DIDO1: variants seen among roughly 807,000 people sequenced by gnomAD.
DIDO1 encodes the protein death inducer-obliterator 1.
In DIDO1, 16 loss-of-function variants were observed where a neutral mutation model predicts 99.4. The observed-to-expected ratio is 0.16, with a 90% CI of 0.11 to 0.24. The LOEUF (loss-of-function observed/expected upper bound fraction) is 0.24. Among genes scored for constraint, DIDO1 ranks in the 10% least tolerant of loss-of-function variants. DIDO1 has a pLI of 1.00. For synonymous variants in DIDO1, 1,366 were observed against 1,239.1 expected, an observed-to-expected ratio of 1.10 and a Z score of -2.15; for missense variants, 2,996 against 3,014.0, an observed-to-expected ratio of 0.99 and a Z score of 0.14.
intron 1 of DIDO1, among the ~76,000 whole-genome samples, chr20:62,921,538 A>C (rs1005438752): frequency 3.3e-5 from 5 of 152,176 alleles, no homozygotes; most frequent in East Asian, 3.9e-4. Context: ...AAGTGAGATG[A>C]TGGCCACCCT....
chr20:62,932,240 C>G (rs2065338902), intron 1 of DIDO1, among the ~76,000 whole-genome samples: 1 of 152,200 alleles, frequency 6.6e-6, no homozygotes, highest in African/African-American at 2.4e-5. Context: ...CGCCTGTAAT[C>G]CTGACACTTT....
At chr20:62,915,362 G>A (rs1168179132) in intron 1 of DIDO1, among the ~76,000 whole-genome samples, 1 of 152,152 alleles carries the variant, frequency 6.6e-6, no homozygotes, top group Non-Finnish European at 1.5e-5. Flanking sequence ...CATCGTCATA[G>A]TCACCATCTC....
Position 62,894,549 on chromosome 20 carries a change from C to A in DIDO1, c.2437-1G>T, listed in dbSNP as rs1307804923. The A allele has an allele frequency of 3.1e-6, 5 of 1,602,498 alleles. No individual in the cohort carries two copies. Among genetic ancestry groups the A allele is most frequent in the Admixed American group, 1.7e-5 (1 of 57,726 alleles). On this transcript the variant is annotated splice_acceptor_variant, in intron 10 of 15. Coordinates refer to ENST00000395343, the MANE Select transcript of DIDO1 (RefSeq NM_001193369.2). LOFTEE classifies it high-confidence loss of function. This position sits in a 1 kb window ranked among gnomAD's most constrained non-coding sequence, Gnocchi z 4.4. The stretch of plus-strand genomic sequence containing the variant: ...CAGCACGTGCTGACTCTTGCTGTTC[C>A]TAAAAAAGAAAAAGAAAAAAAAGTG...
At chr20:62,900,459 G>A (rs1293911372) in intron 6 of DIDO1, among the ~76,000 whole-genome samples, 2 of 152,182 alleles carry the variant, frequency 1.3e-5, no homozygotes, top group Non-Finnish European at 2.9e-5. Context: ...CAGAGACGGG[G>A]AGGAGAAAAT....
At chr20:62,905,814 G>A in intron 6 of DIDO1, 73 bp downstream of exon 6, 1 of 1,613,870 alleles carries the variant, frequency 6.2e-7, no homozygotes, top group Non-Finnish European at 8.5e-7. Flanking sequence ...TCCCAGTCCT[G>A]GACAGGCCCA....
intron 6 of DIDO1, among the ~76,000 whole-genome samples, chr20:62,902,148 G>A (rs1258022207): frequency 2.0e-5 from 3 of 152,212 alleles, no homozygotes; most frequent in Admixed American, 1.3e-4. Flanking sequence ...GGGGCACCAC[G>A]GGACGGTGCT....
chr20:62,908,903 C>T (rs2064864894), intron 4 of DIDO1, among the ~76,000 whole-genome samples: 1 of 152,206 alleles, frequency 6.6e-6, no homozygotes, highest in Non-Finnish European at 1.5e-5. Context: ...AGACATAAAG[C>T]CAATGACTTT....
chr20:62,921,645 T>G (rs2147560146), intron 1 of DIDO1, among the ~76,000 whole-genome samples: 1 of 151,376 alleles, frequency 6.6e-6, no homozygotes, highest in South Asian at 2.1e-4. Flanking sequence ...TTTTTTTTTT[T>G]TTTTTGGAGA....
chr20:62,937,306 G>C (rs192848811), intron 1 of DIDO1, among the ~76,000 whole-genome samples: 1 of 152,262 alleles, frequency 6.6e-6, no homozygotes, highest in Non-Finnish European at 1.5e-5. Flanking sequence ...CTCCTGAGCG[G>C]ACAGGCAATA....
In DIDO1 at chr20:62,882,067, A is replaced by G. The variant is rs1600903531; in HGVS notation, c.3889T>C (p.Ser1297Pro). The change falls in exon 16 of 16, where the codon TCC becomes CCC. Residue 1297 changes from serine to proline, a missense_variant. By Grantham distance (74) the Ser-to-Pro change is moderately conservative. This residue lies in a region of DIDO1 where 1,562 missense variants were observed against 1,412.6 expected (regional missense o/e 1.11). Transcript: ENST00000395343. Reference sequence around the variant, plus strand: ...GAAGCGGTGGAGGAAGCTGCCGTGGAGGCTGCCGCTGCTGTTGTGGCTGCT... The same window carrying G: ...GAAGCGGTGGAGGAAGCTGCCGTGGGGGCTGCCGCTGCTGTTGTGGCTGCT... ...ATAATTAAAASTAASSTASSA... is the reference protein window; with the variant it reads ...ATAATTAAAAPTAASSTASSA... 1 of 1,613,474 alleles carries G rather than the reference A, an allele frequency of 6.2e-7. No homozygotes were observed. Among genetic ancestry groups the G allele is most frequent in the Non-Finnish European group, 8.5e-7 (1 of 1,180,018 alleles).
intron 6 of DIDO1, among the ~76,000 whole-genome samples, chr20:62,900,114 G>C (rs1400628061): frequency 6.6e-6 from 1 of 151,926 alleles, no homozygotes; most frequent in Non-Finnish European, 1.5e-5. Flanking sequence ...ACGCTGCTGG[G>C]CCCCCTGGGG....
At chr20:62,891,372 G>A (rs540185018) in intron 14 of DIDO1, among the ~76,000 whole-genome samples, 31 of 152,156 alleles carry the variant, frequency 2.0e-4, no homozygotes, top group African/African-American at 3.1e-4. Flanking sequence ...CGACGGCCCC[G>A]GTCACGAGGA....
In DIDO1 at chr20:62,879,819, G is replaced by T; in HGVS notation, c.6137C>A (p.Pro2046Gln). 1 of 1,609,246 alleles carries T rather than the reference G, an allele frequency of 6.2e-7. No individual in the cohort carries two copies. The highest frequency in any genetic ancestry group is 1.7e-4 in the Middle Eastern group (1 of 6,046). Residue 2046 changes from proline (P) to glutamine (Q), a missense_variant, in exon 16 of 16, where the codon CCG (proline) becomes CAG (glutamine). This residue lies in a region of DIDO1 where 1,562 missense variants were observed against 1,412.6 expected (regional missense o/e 1.11). Coordinates refer to ENST00000395343, the MANE Select transcript of DIDO1 (RefSeq NM_001193369.2). The surrounding 1 kb of genome is among the most constrained non-coding windows in gnomAD (Gnocchi z 6.3). ...CGCACTGGAGGAGAGCGCGGAGGGCGGCCCGGCCTCCTCCCAGCGGTCCTT... is the reference window on the plus strand; with the variant it reads ...CGCACTGGAGGAGAGCGCGGAGGGCTGCCCGGCCTCCTCCCAGCGGTCCTT... ...HRKDRWEEAG[P>Q]PSALSSSAPG... is the part of the protein sequence containing the mutation.
At chr20:62,922,293 G>GT (rs2147568952) in intron 1 of DIDO1, among the ~76,000 whole-genome samples, 1 of 151,824 alleles carries the variant, frequency 6.6e-6, no homozygotes, top group Non-Finnish European at 1.5e-5. Context: ...TACCTGGCCT[G>GT]TGTCTCCAGG....
intron 2 of DIDO1, among the ~76,000 whole-genome samples, chr20:62,912,146 A>G (rs1480335317): frequency 1.3e-5 from 2 of 152,210 alleles, no homozygotes; most frequent in African/African-American, 4.8e-5. Context: ...CCATGCTGAA[A>G]AGAGGATATG....
At position 62,922,139 on chromosome 20, in the gene DIDO1, T is replaced by TACAC. The variant is rs139183167; in HGVS notation, c.-200+4296_-200+4299dup. 2.7e-4 allele frequency among the ~76,000 whole-genome samples: 40 copies of TACAC among 146,476 alleles called. No homozygotes were observed. In the Middle Eastern group the frequency reaches 0.011, roughly 40 times the overall value. ...ACACACACACACATATATACATATA[T>TACAC]ACACACACACACACACAAACAATGC... On this transcript the variant is annotated intron_variant, in intron 1 of 15. Transcript: ENST00000395343.
intron 15 of DIDO1, chr20:62,887,814 A>G (rs1453164782): frequency 3.0e-6 from 3 of 985,366 alleles, no homozygotes; most frequent in Non-Finnish European, 3.6e-6. Context: ...TAAAGCTGGA[A>G]CTGAGTGGGG....
chr20:62,888,314 A>C, intron 15 of DIDO1: 1 of 985,512 alleles, frequency 1.0e-6, no homozygotes, highest in Non-Finnish European at 1.2e-6. Flanking sequence ...CCCCAACAGG[A>C]CCTTCTCCTT....
chr20:62,902,442 T>C (rs1219278845), intron 6 of DIDO1, among the ~76,000 whole-genome samples: 2 of 152,210 alleles, frequency 1.3e-5, no homozygotes, highest in Non-Finnish European at 2.9e-5. Context: ...TCTCGTTTTA[T>C]TGCCGCTGAC....
Sources: gnomAD v4.1 joint callset for allele counts (sites outside exome capture counted in the v4.1 genomes callset) on GRCh38, gnomAD v4.1.1 for gene constraint, gnomAD v4.1.1 regional missense constraint, Gnocchi (gnomAD v3.1) non-coding constraint, MANE v1.5 for transcripts, NCBI Gene and HGNC (gene_info 2026-07-23, HGNC 2026-07-21) for gene names.